The following ERAP1 variants were observed in gnomAD, a reference collection of about 807,000 sequenced individuals.
ERAP1 encodes adipocyte-derived leucine aminopeptidase.
ERAP1 carries 86 observed loss-of-function variants against 103.7 expected under a neutral mutation model. The ratio of observed to expected loss-of-function variants is 0.83; its 90% confidence interval spans 0.70 to 0.99. The LOEUF (loss-of-function observed/expected upper bound fraction) is 0.99, where lower values mean the gene tolerates loss of function less well. Among genes scored for constraint, ERAP1 ranks in the 50% least tolerant of loss-of-function variants. The pLI, the probability that ERAP1 is intolerant of heterozygous loss-of-function variation, is 0.00. For synonymous variants in ERAP1, 398 were observed against 402.4 expected, an observed-to-expected ratio of 0.99 and a Z score of 0.13; for missense variants, 1,009 against 1,128.4, an observed-to-expected ratio of 0.89 and a Z score of 1.52.
the ERAP1 span, among the ~76,000 whole-genome samples, chr5:96,887,100 T>TATATATACAC: frequency 2.5e-4 from 34 of 137,458 alleles, no homozygotes; most frequent in Non-Finnish European, 4.4e-4. Flanking sequence ...TATATATATA[T>TATATATACAC]ACACACACAC....
rs569477155 is a variant in ERAP1, at chr5:96,779,183, A to G, written c.2670+1240T>C. The stretch of plus-strand genomic sequence containing the variant: ...TAATTGTCTGATTCCCACAGCAGAA[A>G]TTTCAGCTCCGTGACAGCAAAGGTT... On this transcript the variant is annotated intron_variant, in intron 18 of 18. Transcript: ENST00000443439. 7 of 152,332 alleles carry G rather than the reference A, an allele frequency of 4.6e-5. No individual in the cohort carries two copies. The South Asian group carries it at 1.4e-3, about 32-fold the overall frequency. 9.4% of individuals were successfully genotyped at this position (152,332 alleles called of 1,614,324 possible). A position where few individuals can be genotyped will look rare whatever the true frequency, so the allele number is the denominator to read the frequency against.
chr5:96,794,880 G>A (rs911925476), intron 5 of ERAP1, among the ~76,000 whole-genome samples, 162 bp downstream of exon 5: 1 of 152,204 alleles, frequency 6.6e-6, no homozygotes, highest in African/African-American at 2.4e-5. Context: ...CTCATCAAGG[G>A]TGAGGAGATG....
At chr5:96,899,651 T>A in the ERAP1 span, among the ~76,000 whole-genome samples, 1 of 152,222 alleles carries the variant, frequency 6.6e-6, no homozygotes, top group Non-Finnish European at 1.5e-5. Flanking sequence ...GCTGTTGTGA[T>A]AGCCACTGTA....
the ERAP1 span, among the ~76,000 whole-genome samples, chr5:96,933,631 C>T: frequency 1.3e-5 from 2 of 152,210 alleles, no homozygotes; most frequent in South Asian, 4.1e-4. Context: ...ATGTTTCACA[C>T]TTAAAAGCAT....
chr5:96,934,681 TC>T, the ERAP1 span: 1 of 152,368 alleles, frequency 6.6e-6, no homozygotes, highest in Middle Eastern at 3.4e-3. Flanking sequence ...AGTTTCCAAT[TC>T]CAGTGCTGGT....
the ERAP1 span, among the ~76,000 whole-genome samples, chr5:96,865,353 C>T: frequency 6.6e-6 from 1 of 152,138 alleles, no homozygotes; most frequent in Non-Finnish European, 1.5e-5. Context: ...AATAATATAA[C>T]CTGTTGGCCT....
chr5:96,883,775 G>T, the ERAP1 span: 1 of 1,605,960 alleles, frequency 6.2e-7, no homozygotes, highest in South Asian at 1.1e-5. Context: ...TTTGGCTGGG[G>T]GTGGGTCTTT....
At chr5:96,860,056 T>C in the ERAP1 span, among the ~76,000 whole-genome samples, 9 of 152,210 alleles carry the variant, frequency 5.9e-5, no homozygotes, top group African/African-American at 2.2e-4. Flanking sequence ...GTTAATTTTA[T>C]TTATTTATTT....
chr5:96,805,371 A>C lies in ERAP1; in HGVS notation c.-17-1428T>G, dbSNP rs1266389031. On this transcript the variant is annotated intron_variant, in intron 1 of 18. Coordinates refer to ENST00000443439, the MANE Select transcript of ERAP1 (RefSeq NM_001040458.3). ...GTTTTTTTTTTTAAAAAAAAAAAAA[A>C]CTGTCCAGAGATTTTACTGAGAAGC... is the stretch of plus-strand genomic sequence containing the variant. Among the ~76,000 whole-genome samples the C allele has an allele frequency of 5.5e-5, 8 of 144,844 alleles. No homozygotes were observed. The East Asian group carries it at 1.6e-3, about 28-fold the overall frequency.
chr5:96,874,180 A>AAGAGAGAGAG, the ERAP1 span, among the ~76,000 whole-genome samples: 1 of 82,250 alleles, frequency 1.2e-5, no homozygotes, highest in African/African-American at 5.7e-5. Flanking sequence ...GAAAGAAAGA[A>AAGAGAGAGAG]AGAGAGAGAG....
At chr5:96,914,719 A>T in the ERAP1 span, among the ~76,000 whole-genome samples, 1 of 152,218 alleles carries the variant, frequency 6.6e-6, no homozygotes, top group Non-Finnish European at 1.5e-5. Flanking sequence ...TATATAAAAC[A>T]TTGGGTTGAA....
intron 10 of ERAP1, among the ~76,000 whole-genome samples, chr5:96,788,984 A>G (rs113202554): frequency 2.4e-3 from 373 of 152,344 alleles, no homozygotes; most frequent in Non-Finnish European, 4.6e-3. Flanking sequence ...AGGCATGTGA[A>G]TGAATGAAGG....
chr5:96,838,584 A>G, the ERAP1 span, among the ~76,000 whole-genome samples: 77 of 151,250 alleles, frequency 5.1e-4, no homozygotes, highest in Non-Finnish European at 8.4e-4. Context: ...ACTTCCTTCC[A>G]TATATTTCCT....
exon 20 of ERAP1, chr5:96,762,226 A>T (rs750522746): frequency 7.9e-7 from 1 of 1,271,132 alleles, no homozygotes; most frequent in Non-Finnish European, 1.1e-6. Flanking sequence ...CATTGTGCTC[A>T]TAATTTTATA....
chr5:96,926,857 C>T, the ERAP1 span, among the ~76,000 whole-genome samples: 1 of 152,184 alleles, frequency 6.6e-6, no homozygotes, highest in South Asian at 2.1e-4. Context: ...TACTCTGTTG[C>T]TCAGGCTGGA....
At chr5:96,890,271 A>G in the ERAP1 span, among the ~76,000 whole-genome samples, 1 of 152,182 alleles carries the variant, frequency 6.6e-6, no homozygotes, top group African/African-American at 2.4e-5. Flanking sequence ...AAACTGTTCC[A>G]CCTCAGAGCA....
the ERAP1 span, among the ~76,000 whole-genome samples, chr5:96,933,135 T>C: frequency 4.6e-5 from 7 of 152,216 alleles, no homozygotes; most frequent in Middle Eastern, 3.4e-3. Context: ...AACTTCATTA[T>C]TATTCTTTTG....
At chr5:96,903,662 T>C in the ERAP1 span, 6 of 1,076,190 alleles carry the variant, frequency 5.6e-6, no homozygotes, top group East Asian at 5.0e-5. Context: ...TGATTTAATA[T>C]GGATTTGAAT....
At chr5:96,887,101 A>ATATG in the ERAP1 span, among the ~76,000 whole-genome samples, 1 of 21,566 alleles carries the variant, frequency 4.6e-5, no homozygotes, top group Non-Finnish European at 9.6e-5. Flanking sequence ...ATATATATAT[A>ATATG]CACACACACA....
Sources: allele counts gnomAD v4.1 joint callset (sites outside exome capture counted in the v4.1 genomes callset), GRCh38; gene constraint gnomAD v4.1.1; transcripts MANE v1.5; gene names NCBI Gene and HGNC (gene_info 2026-07-23, HGNC 2026-07-21).